Variants in CRISPLD2 observed in about 807,000 individuals in gnomAD.
CRISPLD2 encodes cysteine-rich secretory protein LCCL domain-containing 2.
In CRISPLD2, 47 loss-of-function variants were observed where a neutral mutation model predicts 71.1. That is an observed-to-expected ratio of 0.66 (90% CI 0.52 to 0.84). The LOEUF (loss-of-function observed/expected upper bound fraction) is 0.84. CRISPLD2 is among the 40% of genes least tolerant of loss of function. CRISPLD2 has a pLI of 0.00. For synonymous variants in CRISPLD2, 317 were observed against 250.1 expected, an observed-to-expected ratio of 1.27 and a Z score of -2.52; for missense variants, 830 against 651.1, an observed-to-expected ratio of 1.27 and a Z score of -2.99.
chr16:84,872,347 A>C, intron 8 of CRISPLD2, 95 bp from the exon 9 acceptor site: 1 of 1,004,814 alleles, frequency 1.0e-6, no homozygotes, highest in South Asian at 1.4e-5. Flanking sequence ...TTCTATATTT[A>C]GTAATAGAGC....
chr16:84,849,768 C>T (rs1215161915), intron 4 of CRISPLD2, among the ~76,000 whole-genome samples: 1 of 103,546 alleles, frequency 9.7e-6, no homozygotes, highest in East Asian at 3.6e-4. Flanking sequence ...GGCTGGAGTG[C>T]AGTGGCATGA....
chr16:84,893,327 C>G (rs150164196), intron 14 of CRISPLD2, among the ~76,000 whole-genome samples: 114 of 152,316 alleles, frequency 7.5e-4, no homozygotes, highest in African/African-American at 2.7e-3. Flanking sequence ...GCCACAACTT[C>G]AAAAGATGCC....
chr16:84,849,291 GCCTC>G, intron 3 of CRISPLD2, 90 bp from the exon 4 acceptor site: 1 of 1,285,910 alleles, frequency 7.8e-7, no homozygotes, highest in Non-Finnish European at 1.1e-6. Flanking sequence ...ACCCTCCTCG[GCCTC>G]CCTCCCTCCT....
intron 1 of CRISPLD2, among the ~76,000 whole-genome samples, chr16:84,830,364 C>G (rs1047642079): frequency 1.3e-5 from 2 of 152,078 alleles, no homozygotes; most frequent in African/African-American, 4.8e-5. Context: ...GGATTGCGAA[C>G]CAGTTCAACA....
chr16:84,876,616 A>G (rs1348035887), intron 11 of CRISPLD2, among the ~76,000 whole-genome samples: 1 of 152,056 alleles, frequency 6.6e-6, no homozygotes, highest in East Asian at 1.9e-4. Flanking sequence ...AACATGGTGA[A>G]ACCCTGTCTC....
chr16:84,853,143 G>T (rs1235296541), intron 5 of CRISPLD2, among the ~76,000 whole-genome samples: 1 of 152,186 alleles, frequency 6.6e-6, no homozygotes, highest in Non-Finnish European at 1.5e-5. Flanking sequence ...TGAGTGTTAG[G>T]GTTGAGCTGG....
At chr16:84,887,580 A>G (rs1233553492) in intron 13 of CRISPLD2, among the ~76,000 whole-genome samples, 4 of 152,234 alleles carry the variant, frequency 2.6e-5, no homozygotes, top group Non-Finnish European at 5.9e-5. Context: ...TCTATTTCCT[A>G]TAAATTTGAA....
intron 14 of CRISPLD2, among the ~76,000 whole-genome samples, chr16:84,891,317 T>C (rs2071660496): frequency 6.6e-6 from 1 of 152,206 alleles, no homozygotes; most frequent in Admixed American, 6.5e-5. Flanking sequence ...GCCAGCCTCC[T>C]GGGCACTTTG....
At chr16:84,866,769 C>A in intron 6 of CRISPLD2, 128 bp from the exon 7 acceptor site, 2 of 869,738 alleles carry the variant, frequency 2.3e-6, no homozygotes, top group Non-Finnish European at 3.6e-6. Flanking sequence ...TTCTCTTTGC[C>A]GCTGAAATGA....
intron 14 of CRISPLD2, among the ~76,000 whole-genome samples, chr16:84,904,312 C>T (rs1431350273): frequency 1.3e-5 from 2 of 150,680 alleles, no homozygotes; most frequent in African/African-American, 2.5e-5. Flanking sequence ...GGGCCTGGTA[C>T]GGTGGCTTAC....
intron 6 of CRISPLD2, among the ~76,000 whole-genome samples, chr16:84,859,831 G>C (rs1030263377): frequency 2.0e-5 from 3 of 152,186 alleles, no homozygotes; most frequent in African/African-American, 7.2e-5. Context: ...TTTGATGGTT[G>C]AGTGCTGCCA....
intron 1 of CRISPLD2, among the ~76,000 whole-genome samples, chr16:84,826,966 G>A (rs60120092): frequency 0.03 from 4,606 of 152,270 alleles, 204 homozygotes; most frequent in African/African-American, 0.11. Flanking sequence ...AGAGGTCAGA[G>A]CAACATCAAA....
intron 6 of CRISPLD2, among the ~76,000 whole-genome samples, chr16:84,865,787 T>C (rs1917519903): frequency 1.3e-5 from 2 of 152,206 alleles, no homozygotes; most frequent in African/African-American, 4.8e-5. Flanking sequence ...GGTGAGCAGT[T>C]TGTAGTTGTC....
intron 8 of CRISPLD2, among the ~76,000 whole-genome samples, chr16:84,869,813 C>A (rs190162738): frequency 6.6e-6 from 1 of 152,382 alleles, no homozygotes; most frequent in African/African-American, 2.4e-5. Context: ...GGCAACGCAT[C>A]TTTCTGAATG....
chr16:84,900,505 G>C (rs1158101226), intron 14 of CRISPLD2, among the ~76,000 whole-genome samples: 1 of 152,074 alleles, frequency 6.6e-6, no homozygotes, highest in Non-Finnish European at 1.5e-5. Flanking sequence ...ACCTTCTATT[G>C]GTCAAGAACC....
intron 1 of CRISPLD2, among the ~76,000 whole-genome samples, chr16:84,821,756 G>T (rs190944303): frequency 3.9e-5 from 6 of 152,328 alleles, no homozygotes. Flanking sequence ...AGATGTGAGA[G>T]TAGGAATAGT....
At chr16:84,883,371 G>C (rs779409129) in intron 13 of CRISPLD2, among the ~76,000 whole-genome samples, 2 of 152,180 alleles carry the variant, frequency 1.3e-5, no homozygotes, top group Non-Finnish European at 2.9e-5. Context: ...CAGACCCCTC[G>C]CTGTGTGGTG....
At chr16:84,833,877 C>T (rs57549126) in intron 1 of CRISPLD2, among the ~76,000 whole-genome samples, 5,896 of 152,256 alleles carry the variant, frequency 0.039, 343 homozygotes, top group African/African-American at 0.12. Flanking sequence ...GCAGCCTTCC[C>T]AGGAGGCAGA....
intron 6 of CRISPLD2, among the ~76,000 whole-genome samples, chr16:84,863,828 C>T (rs1917457401): frequency 6.6e-6 from 1 of 151,864 alleles, no homozygotes; most frequent in South Asian, 2.1e-4. Flanking sequence ...ATTAGCCGGG[C>T]ATGGTGGCGC....
Sources: allele counts gnomAD v4.1 joint callset (sites outside exome capture counted in the v4.1 genomes callset), GRCh38; gene constraint gnomAD v4.1.1; transcripts MANE v1.5; gene names NCBI Gene and HGNC (gene_info 2026-07-23, HGNC 2026-07-21).